The following ZNF362 variants were observed in gnomAD, a reference collection of about 807,000 sequenced individuals.
The protein encoded by ZNF362 is zinc finger protein 362.
A neutral mutation model predicts 42.9 loss-of-function variants in ZNF362; 11 were observed. That is an observed-to-expected ratio of 0.26 (90% confidence interval 0.16 to 0.42). The LOEUF (loss-of-function observed/expected upper bound fraction) is 0.42, where lower values mean the gene tolerates loss of function less well. Ranked by LOEUF, ZNF362 falls within the 20% of genes least tolerant of loss-of-function variation. The pLI is 1.00. For synonymous variants in ZNF362, 255 were observed against 257.3 expected, an observed-to-expected ratio of 0.99 and a Z score of 0.09; for missense variants, 362 against 576.2, an observed-to-expected ratio of 0.63 and a Z score of 3.81.
At chr1:33,193,436 C>G in the ZNF362 span, among the ~76,000 whole-genome samples, 2 of 152,182 alleles carry the variant, frequency 1.3e-5, no homozygotes, top group Non-Finnish European at 2.9e-5. Context: ...TAGAAAACAA[C>G]TCCCACTGAA....
At chr1:33,279,480 T>G (rs1003929053) in intron 4 of ZNF362, among the ~76,000 whole-genome samples, 1 of 146,420 alleles carries the variant, frequency 6.8e-6, no homozygotes, top group African/African-American at 2.4e-5. Flanking sequence ...ATTTTTAGTT[T>G]TTTTTTTTTT....
At chr1:33,241,826 T>C in the ZNF362 span, among the ~76,000 whole-genome samples, 1 of 152,190 alleles carries the variant, frequency 6.6e-6, no homozygotes, top group South Asian at 2.1e-4. Flanking sequence ...TCCTCCTGCC[T>C]TGACCTCCCA....
chr1:33,175,149 G>C, the ZNF362 span, among the ~76,000 whole-genome samples: 27 of 151,244 alleles, frequency 1.8e-4, no homozygotes, highest in Non-Finnish European at 1.2e-4. Context: ...AGCGATTCTC[G>C]TGCCTCAGCC....
chr1:33,210,270 T>C, the ZNF362 span, among the ~76,000 whole-genome samples: 1 of 152,238 alleles, frequency 6.6e-6, no homozygotes, highest in East Asian at 1.9e-4. Context: ...TCCAATTTGA[T>C]TGTACTGTGG....
chr1:33,193,002 C>CATATATATAT, the ZNF362 span, among the ~76,000 whole-genome samples: 1 of 20,918 alleles, frequency 4.8e-5, no homozygotes, highest in Non-Finnish European at 2.1e-4. Flanking sequence ...CACACACACA[C>CATATATATAT]ACATATATAT....
the ZNF362 span, among the ~76,000 whole-genome samples, chr1:33,189,927 G>A: frequency 1.3e-5 from 2 of 151,538 alleles, no homozygotes; most frequent in Non-Finnish European, 2.9e-5. Context: ...AATGGGCTTT[G>A]GCAAAGACTC....
upstream of ZNF362, chr1:33,256,412 A>G (rs1420965353): frequency 7.4e-6 from 1 of 135,040 alleles, no homozygotes; most frequent in African/African-American, 2.7e-5. Flanking sequence ...GGGCTCGCCG[A>G]GCGCACTGGG....
the ZNF362 span, among the ~76,000 whole-genome samples, chr1:33,247,602 T>C: frequency 3.9e-5 from 6 of 152,240 alleles, no homozygotes; most frequent in African/African-American, 1.2e-4. Context: ...AAAAGGCTAT[T>C]ATTATTTAAT....
At chr1:33,147,372 G>C in the ZNF362 span, 1 of 1,614,082 alleles carries the variant, frequency 6.2e-7, no homozygotes, top group Non-Finnish European at 8.5e-7. This position sits in a 1 kb window ranked among gnomAD's most constrained non-coding sequence, Gnocchi z 8.1. Context: ...TGTCAAGCTT[G>C]TCCCGGACGT....
chr1:33,297,162 A>G (rs1407527727), intron 8 of ZNF362, among the ~76,000 whole-genome samples: 1 of 152,128 alleles, frequency 6.6e-6, no homozygotes, highest in East Asian at 1.9e-4. Context: ...CTGCAGGGAA[A>G]AGGGCTCCAA....
the ZNF362 span, among the ~76,000 whole-genome samples, chr1:33,136,487 GCC>G: frequency 6.6e-6 from 1 of 151,742 alleles, no homozygotes; most frequent in African/African-American, 2.4e-5. Context: ...TCATGCCTCA[GCC>G]TACCGAGTAG....
chr1:33,248,665 C>G, the ZNF362 span, among the ~76,000 whole-genome samples: 1 of 152,200 alleles, frequency 6.6e-6, no homozygotes, highest in Non-Finnish European at 1.5e-5. Flanking sequence ...CCCGGCACAC[C>G]TTTCATCCCT....
chr1:33,132,132 A>G, the ZNF362 span, among the ~76,000 whole-genome samples: 2 of 152,276 alleles, frequency 1.3e-5, no homozygotes, highest in Non-Finnish European at 2.9e-5. Context: ...ATCAGGGTGT[A>G]TCTACTCTGG....
chr1:33,148,931 C>A, the ZNF362 span, among the ~76,000 whole-genome samples: 1 of 152,192 alleles, frequency 6.6e-6, no homozygotes, highest in South Asian at 2.1e-4. Context: ...AGGTCGTCTG[C>A]AATCTAGCGC....
the ZNF362 span, chr1:33,159,994 A>G: frequency 8.2e-6 from 13 of 1,579,574 alleles, 1 homozygote; most frequent in Middle Eastern, 6.7e-4. The surrounding 1 kb of genome is among the most constrained non-coding windows in gnomAD (Gnocchi z 4.2). Flanking sequence ...AGATGGGGTG[A>G]TCTCTGGGTG....
the ZNF362 span, among the ~76,000 whole-genome samples, chr1:33,219,562 G>A: frequency 2.0e-5 from 3 of 152,336 alleles, no homozygotes; most frequent in African/African-American, 4.8e-5. Context: ...AGGCAGAAAA[G>A]GCCAGCACAT....
chr1:33,245,491 A>G, the ZNF362 span, among the ~76,000 whole-genome samples: 1 of 152,018 alleles, frequency 6.6e-6, no homozygotes, highest in Non-Finnish European at 1.5e-5. Flanking sequence ...CCCATGTCCT[A>G]CCTCCCAGAA....
chr1:33,275,421 A>G (rs780293363), intron 2 of ZNF362: 47 of 980,792 alleles, frequency 4.8e-5, no homozygotes, highest in Non-Finnish European at 5.2e-5. Flanking sequence ...CCATAACCAC[A>G]GCATTCTCAT....
the ZNF362 span, chr1:33,146,978 T>C: frequency 3.2e-6 from 2 of 619,760 alleles, no homozygotes; most frequent in South Asian, 4.0e-5. Flanking sequence ...AGGTCAGAGC[T>C]ACAGAACATC....
Sources: allele counts gnomAD v4.1 joint callset (sites outside exome capture counted in the v4.1 genomes callset), GRCh38; gene constraint gnomAD v4.1.1; non-coding constraint Gnocchi (gnomAD v3.1); transcripts MANE v1.5; gene names NCBI Gene and HGNC (gene_info 2026-07-23, HGNC 2026-07-21).